The following RPTOR variants were observed in gnomAD, a reference collection of about 807,000 sequenced individuals.
The protein encoded by RPTOR is regulatory associated protein of MTOR complex 1.
In RPTOR, 21 loss-of-function variants were observed where a neutral mutation model predicts 169.9. That is an observed-to-expected ratio of 0.12 (90% CI 0.09 to 0.18). RPTOR has a LOEUF of 0.18. RPTOR is among the 10% of genes least tolerant of loss of function. RPTOR has a pLI of 1.00. For missense variants in RPTOR, 1,133 were observed against 1,855.9 expected (o/e 0.61, Z 7.16); for synonymous variants, 732 against 753.2 (o/e 0.97, Z 0.46).
intron 10 of RPTOR, among the ~76,000 whole-genome samples, chr17:80,840,063 A>G (rs1000087284): frequency 2.6e-5 from 4 of 152,320 alleles, no homozygotes; most frequent in African/African-American, 9.6e-5. Flanking sequence ...TGTACACATC[A>G]TACACATACA....
chr17:80,764,954 T>A (rs911784984), intron 6 of RPTOR, among the ~76,000 whole-genome samples: 1 of 152,216 alleles, frequency 6.6e-6, no homozygotes, highest in South Asian at 2.1e-4. Flanking sequence ...ATGTTAGTAA[T>A]AGCACATTTG....
intron 1 of RPTOR, among the ~76,000 whole-genome samples, chr17:80,591,523 C>T (rs1162443716): frequency 1.1e-4 from 16 of 151,272 alleles, no homozygotes; most frequent in Non-Finnish European, 2.2e-4. Flanking sequence ...GGACTACAGG[C>T]GCACACCACA....
chr17:80,683,012 G>A (rs1314653986), intron 3 of RPTOR, among the ~76,000 whole-genome samples: 1 of 152,100 alleles, frequency 6.6e-6, no homozygotes, highest in Non-Finnish European at 1.5e-5. Flanking sequence ...TGTTGTCCAG[G>A]CCGGTCTTGA....
intron 21 of RPTOR, among the ~76,000 whole-genome samples, chr17:80,919,585 G>T (rs1338717640): frequency 6.6e-6 from 1 of 152,206 alleles, no homozygotes; most frequent in Non-Finnish European, 1.5e-5. Context: ...CTTGTGAGGT[G>T]GCGCTCCCGG....
intron 11 of RPTOR, among the ~76,000 whole-genome samples, chr17:80,852,354 T>C (rs1016714391): frequency 6.6e-6 from 1 of 152,108 alleles, no homozygotes; most frequent in African/African-American, 2.4e-5. Context: ...CCAGTGCTTT[T>C]CCTCCGACTG....
In RPTOR at chr17:80,566,823, C is replaced by CAAAAA. The variant is rs56295360; in HGVS notation, c.162+21057_162+21061dup. ...TGGGCGACAGAGCGAGACTCCGTCT[C>CAAAAA]AAAAAAAAAAAAAAAAAAAAAAAAA... On this transcript the variant is annotated intron_variant, in intron 1 of 33. Transcript: ENST00000306801. 2.5e-3 allele frequency among the ~76,000 whole-genome samples: 207 copies of CAAAAA among 83,982 alleles called. 12 individuals are homozygous for CAAAAA. Among genetic ancestry groups the CAAAAA allele is most frequent in the African/African-American group, 0.01 (200 of 19,900 alleles). 55.1% of individuals were successfully genotyped at this position (83,982 alleles called of 152,430 possible).
At position 80,786,484 on chromosome 17, in the gene RPTOR, C is replaced by T. The variant is rs76772297; in HGVS notation, c.831-4966C>T. Among the ~76,000 whole-genome samples the T allele has an allele frequency of 8.0e-3, 1,224 of 152,302 alleles. 19 individuals are homozygous for T. Among genetic ancestry groups the T allele is most frequent in the African/African-American group, 0.028 (1,180 of 41,566 alleles). On this transcript the variant is annotated intron_variant, in intron 6 of 33. Coordinates refer to ENST00000306801, the MANE Select transcript of RPTOR (RefSeq NM_020761.3). ...AAGAAAACTCTAGGCAAATTGAATACAACAGAGTTTAATTGAGCAAAGAAC... is the reference window on the plus strand; with the variant it reads ...AAGAAAACTCTAGGCAAATTGAATATAACAGAGTTTAATTGAGCAAAGAAC...
chr17:80,646,404 G>A lies in RPTOR; in HGVS notation c.348+2594G>A, dbSNP rs976798187. On this transcript the variant is annotated intron_variant, in intron 3 of 33. Transcript: ENST00000306801. The surrounding 1 kb of genome is among the most constrained non-coding windows in gnomAD (Gnocchi z 5.0). ...AATAATAGCACTTGCCCCGGTGCGC[G>A]TGGCACACTGCTCCTCACAGCTTTC... Among the ~76,000 whole-genome samples, 34 of 152,268 alleles carry A rather than the reference G, an allele frequency of 2.2e-4. No homozygotes were observed. Among genetic ancestry groups the A allele is most frequent in the African/African-American group, 7.2e-4 (30 of 41,534 alleles).
intron 9 of RPTOR, among the ~76,000 whole-genome samples, chr17:80,826,674 G>A (rs1036009772): frequency 6.6e-6 from 1 of 152,262 alleles, no homozygotes. Context: ...CCCATGGTTG[G>A]GTTTGACGGA....
rs142304635 is a variant in RPTOR, at chr17:80,877,851, G to T, written c.1510-2564G>T. ...CCGGCGCCTGGCTCCCTGACCACCCGCTCCCCATCGTGCTCAGCTCTCATT... is the reference window on the plus strand; with the variant it reads ...CCGGCGCCTGGCTCCCTGACCACCCTCTCCCCATCGTGCTCAGCTCTCATT... On this transcript the variant is annotated intron_variant, in intron 13 of 33. Transcript: ENST00000306801. Among the ~76,000 whole-genome samples, 1,283 of 152,266 alleles carry T rather than the reference G, an allele frequency of 8.4e-3. 19 individuals carry two copies. The highest frequency in any genetic ancestry group is 0.029 in the African/African-American group (1,211 of 41,538).
intron 13 of RPTOR, among the ~76,000 whole-genome samples, chr17:80,871,132 G>A (rs1431788133): frequency 6.6e-6 from 1 of 152,108 alleles, no homozygotes; most frequent in African/African-American, 2.4e-5. Flanking sequence ...TTGAGACGGA[G>A]TCTCACTCTG....
intron 3 of RPTOR, among the ~76,000 whole-genome samples, chr17:80,645,839 C>G (rs2065591217): frequency 6.6e-6 from 1 of 152,202 alleles, no homozygotes; most frequent in Non-Finnish European, 1.5e-5. Flanking sequence ...CTGCCCATGA[C>G]AGTGGCACAG....
intron 1 of RPTOR, among the ~76,000 whole-genome samples, chr17:80,603,403 G>C (rs1195428354): frequency 1.3e-5 from 2 of 152,188 alleles, no homozygotes; most frequent in Non-Finnish European, 2.9e-5. Flanking sequence ...GGGAAAGCAC[G>C]CGTGTTTGAC....
intron 13 of RPTOR, among the ~76,000 whole-genome samples, chr17:80,874,994 C>T (rs545466805): frequency 1.5e-4 from 23 of 152,186 alleles, no homozygotes; most frequent in Non-Finnish European, 2.5e-4. Flanking sequence ...TGCGTGAAAT[C>T]GCGCGTGGTA....
At chr17:80,594,213 C>T (rs1175461017) in intron 1 of RPTOR, among the ~76,000 whole-genome samples, 1 of 152,164 alleles carries the variant, frequency 6.6e-6, no homozygotes, top group Non-Finnish European at 1.5e-5. Flanking sequence ...CCTGCCTCAG[C>T]CTCCCGAGTA....
chr17:80,835,336 G>A (rs147120331), intron 9 of RPTOR, among the ~76,000 whole-genome samples: 12 of 151,908 alleles, frequency 7.9e-5, no homozygotes, highest in African/African-American at 2.7e-4. Flanking sequence ...CCTTTGACAC[G>A]GCAGCACGGA....
At chr17:80,690,171 T>G (rs1301386221) in intron 3 of RPTOR, among the ~76,000 whole-genome samples, 6 of 152,204 alleles carry the variant, frequency 3.9e-5, no homozygotes, top group African/African-American at 9.6e-5. Context: ...CATTTTCAGC[T>G]GCCAGTTCCA....
Position 80,715,672 on chromosome 17 carries a change from T to C in RPTOR, c.507+7673T>C, listed in dbSNP as rs117954627. ...ACATGAAGAAGTTCTTTAGTGGTAA[T>C]TTGTGAGATTTTGCTGCACCCTTGT... On this transcript the variant is annotated intron_variant, in intron 4 of 33. Transcript: ENST00000306801. Among the ~76,000 whole-genome samples, 2,357 of 151,404 alleles carry C rather than the reference T, an allele frequency of 0.016. 174 individuals carry two copies. In the East Asian group the frequency reaches 0.22, roughly 14 times the overall value.
At chr17:80,742,800 G>A (rs12947503) in intron 5 of RPTOR, among the ~76,000 whole-genome samples, 84,201 of 151,722 alleles carry the variant, frequency 0.55, 23,576 homozygotes, top group African/African-American at 0.59. Context: ...ACATGCACAC[G>A]CCTATATACA....
Sources: gnomAD v4.1 joint callset for allele counts (sites outside exome capture counted in the v4.1 genomes callset) on GRCh38, gnomAD v4.1.1 for gene constraint, Gnocchi (gnomAD v3.1) non-coding constraint, MANE v1.5 for transcripts, NCBI Gene and HGNC (gene_info 2026-07-23, HGNC 2026-07-21) for gene names.